The following CRPPA variants were observed in gnomAD, a reference collection of about 807,000 sequenced individuals.
The protein encoded by CRPPA is D-ribitol-5-phosphate cytidylyltransferase.
A neutral mutation model predicts 52.0 loss-of-function variants in CRPPA; 43 were observed. The ratio of observed to expected loss-of-function variants is 0.83; its 90% CI spans 0.65 to 1.07. The LOEUF (loss-of-function observed/expected upper bound fraction) is 1.07, where lower values mean the gene tolerates loss of function less well. CRPPA is among the 50% of genes least tolerant of loss of function. The probability of loss-of-function intolerance (pLI) is 0.00; values close to 1 mark genes in which losing one functional copy is unlikely to be tolerated. For synonymous variants in CRPPA, 250 were observed against 203.5 expected, an observed-to-expected ratio of 1.23 and a Z score of -1.94; for missense variants, 629 against 551.7, an observed-to-expected ratio of 1.14 and a Z score of -1.40.
chr7:16,405,055 A>G (rs1023576845), intron 2 of CRPPA, among the ~76,000 whole-genome samples: 2 of 151,770 alleles, frequency 1.3e-5, no homozygotes, highest in African/African-American at 4.8e-5. Flanking sequence ...TCAAATACAC[A>G]TGGGTTATTG....
intron 9 of CRPPA, among the ~76,000 whole-genome samples, chr7:16,152,410 T>G (rs1229012438): frequency 6.6e-6 from 1 of 151,956 alleles, no homozygotes; most frequent in Non-Finnish European, 1.5e-5. Flanking sequence ...AAGAAAACGG[T>G]AACTACCCCC....
chr7:16,339,219 C>CA (rs1322894095), intron 3 of CRPPA, among the ~76,000 whole-genome samples: 1 of 150,988 alleles, frequency 6.6e-6, no homozygotes, highest in Non-Finnish European at 1.5e-5. Flanking sequence ...ACCCTAATTC[C>CA]AAAAACAAAA....
chr7:16,151,598 T>C (rs565222221), intron 9 of CRPPA, among the ~76,000 whole-genome samples: 5 of 152,128 alleles, frequency 3.3e-5, no homozygotes, highest in African/African-American at 1.2e-4. Flanking sequence ...AAAGTATATT[T>C]TAAAAAAATA....
At chr7:16,160,074 T>C (rs1354772524) in intron 9 of CRPPA, among the ~76,000 whole-genome samples, 6 of 152,236 alleles carry the variant, frequency 3.9e-5, no homozygotes, top group Non-Finnish European at 7.3e-5. Context: ...TAGCGCTTTG[T>C]CAGATGGATA....
intron 3 of CRPPA, among the ~76,000 whole-genome samples, chr7:16,325,450 T>C (rs938269822): frequency 1.3e-5 from 2 of 151,552 alleles, no homozygotes; most frequent in African/African-American, 2.4e-5. Flanking sequence ...AAATGGAGTC[T>C]CTTTTCCTTG....
chr7:16,202,994 G>T (rs1303752306), intron 9 of CRPPA, among the ~76,000 whole-genome samples: 2 of 152,056 alleles, frequency 1.3e-5, no homozygotes, highest in South Asian at 2.1e-4. Flanking sequence ...CCAAGTTTTA[G>T]AATTATTTTT....
intron 8 of CRPPA, among the ~76,000 whole-genome samples, chr7:16,224,998 T>C (rs1476957169): frequency 1.3e-5 from 2 of 152,106 alleles, no homozygotes; most frequent in African/African-American, 4.8e-5. Context: ...AGCAAGTCAC[T>C]GGTAAATCTT....
chr7:16,171,164 T>C (rs758998212), intron 9 of CRPPA, among the ~76,000 whole-genome samples: 7 of 152,254 alleles, frequency 4.6e-5, no homozygotes, highest in Admixed American at 3.3e-4. Flanking sequence ...GATAGATTTT[T>C]GGCAGAAAGA....
intron 2 of CRPPA, among the ~76,000 whole-genome samples, chr7:16,399,993 C>G (rs1377181110): frequency 6.6e-6 from 1 of 152,142 alleles, no homozygotes; most frequent in Non-Finnish European, 1.5e-5. Flanking sequence ...GTGACTGACG[C>G]ATTTGACATG....
At chr7:16,414,398 CACA>C (rs1203038631) in intron 1 of CRPPA, among the ~76,000 whole-genome samples, 64 of 132,592 alleles carry the variant, frequency 4.8e-4, no homozygotes, top group South Asian at 1.3e-3. Flanking sequence ...CACACACACA[CACA>C]CCCCATGACA....
In CRPPA at chr7:16,147,843, T is replaced by G. The variant is rs78507350; in HGVS notation, c.1252-56044A>C. On this transcript the variant is annotated intron_variant, in intron 9 of 9. Transcript: ENST00000407010. ...AAACTTGATATTCATCCATATTTTA[T>G]AAATATTCTAGTACCAACTATGTGT... Among the ~76,000 whole-genome samples the G allele has an allele frequency of 8.0e-3, 1,220 of 152,328 alleles. 10 individuals carry two copies. The highest frequency in any genetic ancestry group is 0.014 in the Middle Eastern group (4 of 294).
chr7:16,317,061 A>G (rs1785159269), intron 3 of CRPPA, among the ~76,000 whole-genome samples: 3 of 152,168 alleles, frequency 2.0e-5, no homozygotes. Flanking sequence ...ACAACTCATA[A>G]TATGTCCTTG....
chr7:16,300,723 T>C (rs1191326835), intron 5 of CRPPA, among the ~76,000 whole-genome samples: 1 of 152,120 alleles, frequency 6.6e-6, no homozygotes, highest in Non-Finnish European at 1.5e-5. Context: ...AAAATGCCAA[T>C]ATAGTGCCAA....
chr7:16,238,371 T>C (rs1480353982), intron 8 of CRPPA, among the ~76,000 whole-genome samples: 1 of 152,126 alleles, frequency 6.6e-6, no homozygotes, highest in Non-Finnish European at 1.5e-5. Flanking sequence ...AAGTGCTAAC[T>C]GGATAGTATA....
intron 9 of CRPPA, among the ~76,000 whole-genome samples, chr7:16,199,972 C>T (rs949732087): frequency 4.0e-5 from 6 of 151,754 alleles, no homozygotes; most frequent in African/African-American, 1.2e-4. Context: ...ATTCTCCTGC[C>T]TCTGCCTGCT....
chr7:16,287,192 G>A (rs996176860), intron 5 of CRPPA, among the ~76,000 whole-genome samples: 1 of 152,110 alleles, frequency 6.6e-6, no homozygotes, highest in Non-Finnish European at 1.5e-5. Context: ...AAGTTCACAG[G>A]CATAAAATTG....
chr7:16,160,647 G>A (rs1486626060), intron 9 of CRPPA, among the ~76,000 whole-genome samples: 1 of 152,164 alleles, frequency 6.6e-6, no homozygotes, highest in Admixed American at 6.5e-5. Context: ...GGCTACACGA[G>A]CTCTTTTTTG....
intron 6 of CRPPA, among the ~76,000 whole-genome samples, chr7:16,274,091 C>A (rs1399023368): frequency 6.6e-6 from 1 of 152,098 alleles, no homozygotes; most frequent in African/African-American, 2.4e-5. Flanking sequence ...GCTCTGTCGC[C>A]CAGGCTGGAG....
chr7:16,161,699 A>G (rs746313312), intron 9 of CRPPA, among the ~76,000 whole-genome samples: 14 of 152,142 alleles, frequency 9.2e-5, no homozygotes, highest in Non-Finnish European at 2.1e-4. Context: ...TGCTGGACTC[A>G]CAAAATCAGT....
Sources: gnomAD v4.1 joint callset for allele counts (sites outside exome capture counted in the v4.1 genomes callset) on GRCh38, gnomAD v4.1.1 for gene constraint, MANE v1.5 for transcripts, NCBI Gene and HGNC (gene_info 2026-07-23, HGNC 2026-07-21) for gene names.